The following TMEFF2 variants were observed in gnomAD, a reference collection of about 807,000 sequenced individuals.
The protein encoded by TMEFF2 is tomoregulin-2.
In TMEFF2, 28 loss-of-function variants were observed where a neutral mutation model predicts 53.8. The ratio of observed to expected loss-of-function variants is 0.52; its 90% CI spans 0.39 to 0.71. TMEFF2 has a LOEUF of 0.71. Ranked by LOEUF, TMEFF2 falls within the 30% of genes least tolerant of loss-of-function variation. TMEFF2 has a pLI of 0.00. For missense variants in TMEFF2, 353 were observed against 455.2 expected (o/e 0.78, Z 2.04); for synonymous variants, 162 against 166.3 (o/e 0.97, Z 0.20).
intron 4 of TMEFF2, among the ~76,000 whole-genome samples, chr2:192,161,945 A>G (rs1690644257): frequency 6.6e-6 from 1 of 152,202 alleles, no homozygotes; most frequent in African/African-American, 2.4e-5. Context: ...TGTTCACCAT[A>G]TTAAAGGTTC....
At chr2:192,024,311 G>A (rs1686920502) in intron 5 of TMEFF2, among the ~76,000 whole-genome samples, 1 of 152,074 alleles carries the variant, frequency 6.6e-6, no homozygotes, top group African/African-American at 2.4e-5. Context: ...AAAAAATTCA[G>A]GAGTGCCCTT....
At chr2:192,171,941 A>G (rs763639736) in intron 4 of TMEFF2, among the ~76,000 whole-genome samples, 14 of 151,726 alleles carry the variant, frequency 9.2e-5, no homozygotes, top group Middle Eastern at 3.4e-3. Flanking sequence ...TACAGATCTT[A>G]GTGGATACCA....
At chr2:191,991,058 T>C (rs1051741114) in intron 7 of TMEFF2, among the ~76,000 whole-genome samples, 1 of 152,140 alleles carries the variant, frequency 6.6e-6, no homozygotes, top group Admixed American at 6.6e-5. Context: ...GATCATATTA[T>C]ATTTTATGTG....
At position 192,087,312 on chromosome 2, in the gene TMEFF2, G is replaced by A. The variant is rs570582811; in HGVS notation, c.440-29537C>T. Among the ~76,000 whole-genome samples the A allele has an allele frequency of 7.9e-5, 12 of 152,160 alleles. No homozygotes were observed. The South Asian group carries it at 2.1e-3, about 26-fold the overall frequency. On this transcript the variant is annotated intron_variant, in intron 4 of 9. Coordinates refer to ENST00000272771, the MANE Select transcript of TMEFF2 (RefSeq NM_016192.4). ...ACAGCCTACAATTTAATTCAATACA[G>A]TGCCAGGGTTGCGGAAATCATAAGT...
At chr2:192,136,700 T>C (rs1336318008) in intron 4 of TMEFF2, among the ~76,000 whole-genome samples, 2 of 152,146 alleles carry the variant, frequency 1.3e-5, no homozygotes, top group Non-Finnish European at 2.9e-5. Flanking sequence ...GCTCTCTCTC[T>C]CCTTTCCCTC....
At chr2:191,974,072 C>A (rs148269259) in intron 7 of TMEFF2, among the ~76,000 whole-genome samples, 2 of 152,274 alleles carry the variant, frequency 1.3e-5, no homozygotes, top group African/African-American at 4.8e-5. Flanking sequence ...AGAATTATTA[C>A]ATACTCATGC....
At position 192,161,377 on chromosome 2, in the gene TMEFF2, TC is replaced by T. The variant is rs551305664; in HGVS notation, c.439+18290del. ...CATGTTGGCCAGGCTGGTCTTGAAC[TC>T]CTGACTTCAAGTGGTCTGCCCTCCT... is the stretch of plus-strand genomic sequence containing the variant. On this transcript the variant is annotated intron_variant, in intron 4 of 9. Transcript: ENST00000272771. 8.7e-3 allele frequency among the ~76,000 whole-genome samples: 1,321 copies of T among 152,234 alleles called. 6 individuals carry two copies. Among genetic ancestry groups the T allele is most frequent in the Non-Finnish European group, 0.013 (899 of 68,010 alleles).
Position 192,088,264 on chromosome 2 carries a change from G to A in TMEFF2, c.440-30489C>T, listed in dbSNP as rs1232958462. Among the ~76,000 whole-genome samples the A allele has an allele frequency of 2.0e-5, 3 of 152,102 alleles. No homozygotes were observed. In the East Asian group the frequency reaches 5.8e-4, roughly 29 times the overall value. ...GTAAGAAAAGACTGAATCCATGAAG[G>A]GATGTAGAAGACTAACAGGGAGGTG... On this transcript the variant is annotated intron_variant, in intron 4 of 9. Transcript: ENST00000272771.
intron 5 of TMEFF2, among the ~76,000 whole-genome samples, chr2:192,053,798 C>T (rs1156311551): frequency 6.6e-6 from 1 of 152,142 alleles, no homozygotes; most frequent in African/African-American, 2.4e-5. Flanking sequence ...TCTTACTTTA[C>T]AGCCTCTTTC....
chr2:192,188,859 C>T (rs1194717264), intron 2 of TMEFF2, among the ~76,000 whole-genome samples: 1 of 151,270 alleles, frequency 6.6e-6, no homozygotes, highest in East Asian at 1.9e-4. Flanking sequence ...ATCTATCTAT[C>T]TATCTATCTA....
At chr2:192,011,498 C>CAA (rs1686625054) in intron 5 of TMEFF2, among the ~76,000 whole-genome samples, 2 of 151,938 alleles carry the variant, frequency 1.3e-5, no homozygotes, top group Admixed American at 1.3e-4. Flanking sequence ...CCTGAGTGTA[C>CAA]AAAATGGTTT....
intron 4 of TMEFF2, among the ~76,000 whole-genome samples, chr2:192,093,139 T>A (rs1190293181): frequency 1.3e-5 from 2 of 152,174 alleles, no homozygotes; most frequent in South Asian, 4.1e-4. Flanking sequence ...TTAGCTTTAT[T>A]TGTAGATATC....
rs1488242247 is a variant in TMEFF2 at position 192,194,793 on chromosome 2, G to C, written c.-269C>G. 1.0e-5 allele frequency: 5 copies of C among 494,522 alleles called. No individual in the cohort carries two copies. The highest frequency in any genetic ancestry group is 2.0e-5 in the African/African-American group (1 of 51,254). 30.6% of individuals were successfully genotyped at this position (494,522 alleles called of 1,614,324 possible). Reference sequence around the variant, plus strand: ...GCGGGAAGCTGCTGCCATAAGGAGGGAGCTCTGGGAAGCCGGAGGACAGGA... The same window carrying C: ...GCGGGAAGCTGCTGCCATAAGGAGGCAGCTCTGGGAAGCCGGAGGACAGGA... On this transcript the variant is annotated 5_prime_UTR_variant, in exon 1 of 10. Coordinates refer to ENST00000272771, the MANE Select transcript of TMEFF2 (RefSeq NM_016192.4). The surrounding 1 kb of genome is among the most constrained non-coding windows in gnomAD (Gnocchi z 4.2).
At chr2:191,970,006 G>A (rs1692588214) in intron 7 of TMEFF2, among the ~76,000 whole-genome samples, 1 of 152,080 alleles carries the variant, frequency 6.6e-6, no homozygotes, top group African/African-American at 2.4e-5. Flanking sequence ...AACAACTTTT[G>A]GTATTTCTCA....
At chr2:192,013,646 C>T (rs142849114) in intron 5 of TMEFF2, among the ~76,000 whole-genome samples, 9,271 of 152,104 alleles carry the variant, frequency 0.061, 385 homozygotes, top group African/African-American at 0.11. Context: ...GACAGGGTTT[C>T]GCTATGTTGA....
rs565619113 is a variant in TMEFF2 at position 192,158,402 on chromosome 2, C to T, written c.439+21266G>A. 5.9e-5 allele frequency among the ~76,000 whole-genome samples: 9 copies of T among 152,044 alleles called. No homozygotes were observed. In the South Asian group the frequency reaches 8.3e-4, roughly 14 times the overall value. On this transcript the variant is annotated intron_variant, in intron 4 of 9. Coordinates refer to ENST00000272771, the MANE Select transcript of TMEFF2 (RefSeq NM_016192.4). ...TAAAGCTAGACAGATCTGATGCTAG[C>T]CAAGCATTTTAGCCATCAGTAATGT... is the stretch of plus-strand genomic sequence containing the variant.
chr2:192,057,469 T>C (rs1412687091), intron 5 of TMEFF2, among the ~76,000 whole-genome samples: 2 of 152,198 alleles, frequency 1.3e-5, no homozygotes, highest in African/African-American at 4.8e-5. Context: ...TTAGTGTGCC[T>C]TATCAAGTAA....
At chr2:192,007,444 T>C (rs940122866) in intron 5 of TMEFF2, among the ~76,000 whole-genome samples, 3 of 152,176 alleles carry the variant, frequency 2.0e-5, no homozygotes, top group Non-Finnish European at 4.4e-5. Context: ...GAAAGTGAAC[T>C]GTCTGGAAAG....
At chr2:192,000,333 C>T (rs1686325771) in intron 5 of TMEFF2, among the ~76,000 whole-genome samples, 1 of 152,108 alleles carries the variant, frequency 6.6e-6, no homozygotes, top group African/African-American at 2.4e-5. Context: ...AGACTCTCAA[C>T]ATGTATTGCT....
Sources: gnomAD v4.1 joint callset for allele counts (sites outside exome capture counted in the v4.1 genomes callset) on GRCh38, gnomAD v4.1.1 for gene constraint, Gnocchi (gnomAD v3.1) non-coding constraint, MANE v1.5 for transcripts, NCBI Gene and HGNC (gene_info 2026-07-23, HGNC 2026-07-21) for gene names.